The following KLHL36 variants were observed in gnomAD, a reference collection of about 807,000 sequenced individuals.
KLHL36 encodes the protein kelch-like protein 36.
In KLHL36, 35 loss-of-function variants were observed where a neutral mutation model predicts 53.3. The observed-to-expected ratio is 0.66, with a 90% CI of 0.50 to 0.87. KLHL36 has a LOEUF of 0.87. KLHL36 is among the 40% of genes least tolerant of loss of function. The probability of loss-of-function intolerance (pLI) is 0.00; values close to 1 mark genes in which losing one functional copy is unlikely to be tolerated. For missense variants in KLHL36, 864 were observed against 897.6 expected, an observed-to-expected ratio of 0.96 and a Z score of 0.48; for synonymous variants, 472 against 398.9, an observed-to-expected ratio of 1.18 and a Z score of -2.18.
chr16:84,667,349 G>A lies in KLHL36; in HGVS notation c.*5216G>A, dbSNP rs753814786. On this transcript the variant is annotated 3_prime_UTR_variant, in exon 5 of 5. Transcript: ENST00000564996. The stretch of plus-strand genomic sequence containing the variant: ...ATTTGATGATTAAGTGATTCATTGG[G>A]TATGTTCTGGCTACTGATGTTACTG... 2.9e-4 allele frequency: 44 copies of A among 152,300 alleles called. No homozygotes were observed. Among genetic ancestry groups the A allele is most frequent in the Middle Eastern group, 6.8e-3 (2 of 294 alleles). 9.4% of individuals were successfully genotyped at this position (152,300 alleles called of 1,614,324 possible). A position where few individuals can be genotyped will look rare whatever the true frequency, so the allele number is the denominator to read the frequency against.
chr16:84,650,954 C>T, intron 2 of KLHL36, 24 bp downstream of exon 2: 1 of 1,574,878 alleles, frequency 6.3e-7, no homozygotes, highest in East Asian at 2.3e-5. Context: ...CACTCACCAC[C>T]TATGCAAATT....
chr16:84,659,878 C>T lies in KLHL36; in HGVS notation c.1256C>T (p.Pro419Leu). The T allele has an allele frequency of 1.5e-5, 25 of 1,613,388 alleles. No individual in the cohort carries two copies. Among genetic ancestry groups the T allele is most frequent in the Non-Finnish European group, 2.1e-5 (25 of 1,179,414 alleles). ...CTCTCTTCAGTAGAGACGTACAGTC[C>T]CAAGACTGACTCCTGGTCCTATGTG... ...GALSSVETYS[P>L]KTDSWSYVAG... The change falls in exon 4 of 5, where the codon CCC becomes CTC. Residue 419 changes from proline to leucine, a missense_variant. By Grantham distance (98) the Pro-to-Leu change is moderately conservative. Transcript: ENST00000564996.
intron 2 of KLHL36, among the ~76,000 whole-genome samples, chr16:84,652,663 A>G (rs953690599): frequency 1.1e-4 from 17 of 152,214 alleles, no homozygotes; most frequent in African/African-American, 3.6e-4. Flanking sequence ...AAAAAACAGA[A>G]TACTACCAAA....
rs138697131 is a variant in KLHL36 at position 84,657,183 on chromosome 16, C to T, written c.376C>T (p.Leu126=). ...IDYVLETAHL[L]QIWTVVDFCC... is the part of the protein sequence containing the mutation. Reference sequence around the variant, plus strand: ...CTACGTCCTGGAGACGGCTCACCTGCTGCAGATCTGGACGGTGGTAGACTT... The same window carrying T: ...CTACGTCCTGGAGACGGCTCACCTGTTGCAGATCTGGACGGTGGTAGACTT... The change falls in exon 3 of 5, where the codon CTG becomes TTG. Residue 126 remains leucine (L), a synonymous_variant. Coordinates refer to ENST00000564996, the MANE Select transcript of KLHL36 (RefSeq NM_024731.4). The T allele has an allele frequency of 5.1e-5, 83 of 1,614,052 alleles. No individual in the cohort carries two copies. The highest frequency in any genetic ancestry group is 6.8e-5 in the Non-Finnish European group (80 of 1,180,050).
chr16:84,661,865 G>T lies in KLHL36; in HGVS notation c.1583G>T (p.Arg528Leu). The change falls in exon 5 of 5, where the codon CGC becomes CTC. Residue 528 changes from arginine (R) to leucine (L), a missense_variant. Transcript: ENST00000564996. This position sits in a 1 kb window ranked among gnomAD's most constrained non-coding sequence, Gnocchi z 7.9. The stretch of plus-strand genomic sequence containing the variant: ...AGCCCGCAGTGCAACCAGTGGACCC[G>T]CGTGGCGCCGCTGCTGCACGCCAAC... ...AYSPQCNQWT[R>L]VAPLLHANSE... is the part of the protein sequence containing the mutation. 1 of 1,600,704 alleles carries T rather than the reference G, an allele frequency of 6.2e-7. No homozygotes were observed. Among genetic ancestry groups the T allele is most frequent in the Non-Finnish European group, 8.5e-7 (1 of 1,169,764 alleles).
Position 84,662,407 on chromosome 16 carries a change from C to A in KLHL36, c.*274C>A. On this transcript the variant is annotated 3_prime_UTR_variant, in exon 5 of 5. Transcript: ENST00000564996. Reference sequence around the variant, plus strand: ...CCCGTGTTATGATTCCTCATGGGTCCTTGCTGACTGTCCCCCTGAGAGTAG... The same window carrying A: ...CCCGTGTTATGATTCCTCATGGGTCATTGCTGACTGTCCCCCTGAGAGTAG... 3.2e-6 allele frequency: 1 copy of A among 312,132 alleles called. No homozygotes were observed. The highest frequency in any genetic ancestry group is 6.0e-6 in the Non-Finnish European group (1 of 167,152). The allele number at this position is 312,132 out of a possible 1,614,324, so 19.3% of individuals were successfully genotyped here.
chr16:84,660,012 C>A, intron 4 of KLHL36, 95 bp downstream of exon 4: 3 of 1,201,348 alleles, frequency 2.5e-6, no homozygotes, highest in Non-Finnish European at 3.6e-6. Context: ...TGTTGGCCTC[C>A]AATTCCAGGA....
At position 84,657,699 on chromosome 16, in the gene KLHL36, C is replaced by G; in HGVS notation, c.892C>G (p.Leu298Val). 1.9e-6 allele frequency: 3 copies of G among 1,612,736 alleles called. No individual in the cohort carries two copies. The highest frequency in any genetic ancestry group is 2.5e-6 in the Non-Finnish European group (3 of 1,179,804). Residue 298 changes from leucine to valine, a missense_variant, in exon 3 of 5, where the codon CTG (leucine) becomes GTG (valine). Leu to Val is a conservative substitution (Grantham distance 32, BLOSUM62 1). Transcript: ENST00000564996. ...GCTGCGCACCAACCAGGAGCGCCTG[C>G]TGTTTGTGGGCGGCGAGGTCTCCGA... ...TALRTNQERL[L>V]FVGGEVSERC...
chr16:84,649,147 C>T (rs1288747823), intron 1 of KLHL36: 2 of 152,294 alleles, frequency 1.3e-5, no homozygotes, highest in South Asian at 2.1e-4. Flanking sequence ...TACTGGAAGA[C>T]CTTTTCCAGT....
rs913676528 is a variant in KLHL36, at chr16:84,663,602, G to T, written c.*1469G>T. On this transcript the variant is annotated 3_prime_UTR_variant, in exon 5 of 5. Transcript: ENST00000564996. ...CATCTTCAATCCTAGTCTAACACCA[G>T]TCTTCCTGCAGACAGTTCCGAGAGC... 1.3e-5 allele frequency: 2 copies of T among 151,116 alleles called. No individual in the cohort carries two copies. The highest frequency in any genetic ancestry group is 4.9e-5 in the African/African-American group (2 of 40,936). The allele number at this position is 151,116 out of a possible 1,614,324, so 9.4% of individuals were successfully genotyped here. A position where few individuals can be genotyped will look rare whatever the true frequency, so the allele number is the denominator to read the frequency against.
rs1375293387 is a variant in KLHL36 at position 84,656,230 on chromosome 16, GTTTGT to G, written c.64-637_64-633del. Among the ~76,000 whole-genome samples, 11 of 150,394 alleles carry G rather than the reference GTTTGT, an allele frequency of 7.3e-5. No individual in the cohort carries two copies. In the South Asian group the frequency reaches 1.9e-3, roughly 26 times the overall value. On this transcript the variant is annotated intron_variant, in intron 2 of 4. Coordinates refer to ENST00000564996, the MANE Select transcript of KLHL36 (RefSeq NM_024731.4). ...TGTTGTTTGGTTTTGGGTTTTTTTG[GTTTGT>G]TTTTTGTTTTTTCTTGTTTGTTTTG... is the stretch of plus-strand genomic sequence containing the variant.
chr16:84,654,782 G>C (rs1331545262), intron 2 of KLHL36, among the ~76,000 whole-genome samples: 4 of 152,084 alleles, frequency 2.6e-5, no homozygotes, highest in African/African-American at 7.2e-5. Context: ...AGCTAATTTT[G>C]TATTTTTACT....
chr16:84,651,589 T>C (rs1173572945), intron 2 of KLHL36, among the ~76,000 whole-genome samples: 1 of 152,200 alleles, frequency 6.6e-6, no homozygotes, highest in Admixed American at 6.5e-5. Context: ...GTAACCTGTT[T>C]CCCCGTTATA....
chr16:84,659,739 A>T, intron 3 of KLHL36, 21 bp from the exon 4 acceptor site: 6 of 1,612,720 alleles, frequency 3.7e-6, no homozygotes, highest in Non-Finnish European at 5.1e-6. Context: ...AAGGGAAGGT[A>T]CAGGTATCTC....
chr16:84,660,361 A>C (rs1907476165), intron 4 of KLHL36, among the ~76,000 whole-genome samples: 1 of 152,134 alleles, frequency 6.6e-6, no homozygotes, highest in Non-Finnish European at 1.5e-5. Flanking sequence ...TGTTGTGCAG[A>C]GCAGATGCAG....
In KLHL36 at chr16:84,657,160, A is replaced by G. The variant is rs1263774620; in HGVS notation, c.353A>G (p.Tyr118Cys). 8.7e-6 allele frequency: 14 copies of G among 1,613,978 alleles called. No homozygotes were observed. Among genetic ancestry groups the G allele is most frequent in the Admixed American group, 1.7e-5 (1 of 60,010 alleles). Residue 118 changes from tyrosine (Y) to cysteine (C), a missense_variant, in exon 3 of 5, where the codon TAC becomes TGC. Coordinates refer to ENST00000564996, the MANE Select transcript of KLHL36 (RefSeq NM_024731.4). ...ELVLDGGNID[Y>C]VLETAHLLQI... ...GTGCTGGATGGCGGCAACATTGACT[A>G]CGTCCTGGAGACGGCTCACCTGCTG...
chr16:84,662,285 C>A lies in KLHL36; in HGVS notation c.*152C>A, dbSNP rs753196044. On this transcript the variant is annotated 3_prime_UTR_variant, in exon 5 of 5. Transcript: ENST00000564996. The stretch of plus-strand genomic sequence containing the variant: ...TGGTATTTCTATGATATCACAGTAA[C>A]CAATTAAATACTATCTGTAACTTTA... 2.7e-5 allele frequency: 19 copies of A among 706,290 alleles called. No homozygotes were observed. The highest frequency in any genetic ancestry group is 3.5e-4 in the Middle Eastern group (1 of 2,856). 43.8% of individuals were successfully genotyped at this position (706,290 alleles called of 1,614,324 possible).
intron 2 of KLHL36, among the ~76,000 whole-genome samples, chr16:84,656,023 G>A (rs1907179579): frequency 6.6e-6 from 1 of 151,948 alleles, no homozygotes; most frequent in South Asian, 2.1e-4. Flanking sequence ...CTCCTGAGCA[G>A]CTGGGACTAC....
intron 3 of KLHL36, chr16:84,658,168 C>T (rs1907336394): frequency 2.4e-6 from 1 of 421,808 alleles, no homozygotes; most frequent in East Asian, 3.6e-5. Flanking sequence ...CAGAGCAGCA[C>T]TGCCTGGCGG....
Sources: allele counts gnomAD v4.1 joint callset (sites outside exome capture counted in the v4.1 genomes callset), GRCh38; gene constraint gnomAD v4.1.1; non-coding constraint Gnocchi (gnomAD v3.1); transcripts MANE v1.5; gene names NCBI Gene and HGNC (gene_info 2026-07-23, HGNC 2026-07-21).